PHLPP1: variants seen among roughly 807,000 people sequenced by gnomAD.
PHLPP1 encodes the protein PH domain and leucine rich repeat protein phosphatase 1.
A neutral mutation model predicts 117.2 loss-of-function variants in PHLPP1; 42 were observed. That is an observed-to-expected ratio of 0.36 (90% confidence interval 0.28 to 0.46). The LOEUF (loss-of-function observed/expected upper bound fraction) is 0.46. Ranked by LOEUF, PHLPP1 falls within the 20% of genes least tolerant of loss-of-function variation. The pLI is 1.00. For missense variants in PHLPP1, 2,084 were observed against 2,241.9 expected, an observed-to-expected ratio of 0.93 and a Z score of 1.42; for synonymous variants, 1,042 against 970.7, an observed-to-expected ratio of 1.07 and a Z score of -1.37.
At chr18:62,955,397 A>G (rs537829716) in intron 12 of PHLPP1, among the ~76,000 whole-genome samples, 1 of 152,228 alleles carries the variant, frequency 6.6e-6, no homozygotes, top group Admixed American at 6.5e-5. Flanking sequence ...CTGAGAAACC[A>G]TCCTGACAGC....
At chr18:62,915,457 C>G (rs1441549847) in intron 9 of PHLPP1, among the ~76,000 whole-genome samples, 1 of 152,156 alleles carries the variant, frequency 6.6e-6, no homozygotes, top group East Asian at 1.9e-4. Flanking sequence ...AAAGAGCAAA[C>G]TAGATTCTCT....
chr18:62,831,701 G>A lies in PHLPP1; in HGVS notation c.1773+1470G>A, dbSNP rs75534924. 4.9e-4 allele frequency among the ~76,000 whole-genome samples: 75 copies of A among 152,310 alleles called. 1 individual carries two copies. In the East Asian group the frequency reaches 0.011, roughly 22 times the overall value. On this transcript the variant is annotated intron_variant, in intron 2 of 16. Transcript: ENST00000262719. ...TCTGTTTCAAGGGTTGTAAGTGAAG[G>A]AAGTAAGACCACATGTGTATGGTAA...
At chr18:62,815,829 C>T (rs1914256496) in intron 1 of PHLPP1, among the ~76,000 whole-genome samples, 1 of 152,142 alleles carries the variant, frequency 6.6e-6, no homozygotes, top group African/African-American at 2.4e-5. Context: ...TTGTTCTGTT[C>T]TTAAACTTTA....
chr18:62,774,792 A>G (rs2144271667), intron 1 of PHLPP1, among the ~76,000 whole-genome samples: 1 of 152,284 alleles, frequency 6.6e-6, no homozygotes. Flanking sequence ...GTGTACAAAC[A>G]AAACTAATAT....
intron 3 of PHLPP1, chr18:62,839,772 T>C (rs1915006820): frequency 6.8e-6 from 1 of 146,700 alleles, no homozygotes; most frequent in African/African-American, 2.5e-5. Context: ...TTATATATAA[T>C]ATATATTTTA....
At chr18:62,935,515 A>G (rs184222346) in intron 10 of PHLPP1, among the ~76,000 whole-genome samples, 5 of 152,358 alleles carry the variant, frequency 3.3e-5, no homozygotes, top group Non-Finnish European at 7.3e-5. Flanking sequence ...AGTTAGACAA[A>G]TTGATGCTAC....
chr18:62,782,686 C>T (rs1030970420), intron 1 of PHLPP1, among the ~76,000 whole-genome samples: 6 of 152,232 alleles, frequency 3.9e-5, no homozygotes, highest in African/African-American at 1.4e-4. Context: ...TATTCACTGA[C>T]TTTAATATCT....
At chr18:62,811,925 A>G (rs1051955718) in intron 1 of PHLPP1, among the ~76,000 whole-genome samples, 1 of 152,200 alleles carries the variant, frequency 6.6e-6, no homozygotes, top group African/African-American at 2.4e-5. Context: ...TATCTAATGC[A>G]GTAGAGAGGA....
intron 6 of PHLPP1, among the ~76,000 whole-genome samples, chr18:62,901,468 G>A (rs1037153391): frequency 6.6e-6 from 1 of 152,064 alleles, no homozygotes; most frequent in Non-Finnish European, 1.5e-5. Context: ...ACAAATCCCA[G>A]CTCTTTGCTG....
At position 62,858,308 on chromosome 18, in the gene PHLPP1, G is replaced by GC. The variant is rs569432336; in HGVS notation, c.1900-2126dup. 1.1e-4 allele frequency among the ~76,000 whole-genome samples: 16 copies of GC among 149,762 alleles called. 1 individual carries two copies. The South Asian group carries it at 3.0e-3, about 28-fold the overall frequency. On this transcript the variant is annotated intron_variant, in intron 3 of 16. Coordinates refer to ENST00000262719, the MANE Select transcript of PHLPP1 (RefSeq NM_194449.4). ...GACACAGCCTCTCTCTGTTGCCCAG[G>GC]CTGGACTGCAATGGCACGATCTCAG...
chr18:62,753,812 A>G (rs1480987581), intron 1 of PHLPP1, among the ~76,000 whole-genome samples: 1 of 152,238 alleles, frequency 6.6e-6, no homozygotes, highest in Non-Finnish European at 1.5e-5. Flanking sequence ...ATTTCTCTGC[A>G]AGTTCAATTA....
intron 12 of PHLPP1, among the ~76,000 whole-genome samples, chr18:62,954,171 A>G (rs1910548217): frequency 6.6e-6 from 1 of 152,192 alleles, no homozygotes; most frequent in Non-Finnish European, 1.5e-5. Context: ...CTTCTCAGCT[A>G]TGAGTTATCT....
At chr18:62,774,292 C>G (rs1912885129) in intron 1 of PHLPP1, among the ~76,000 whole-genome samples, 1 of 152,128 alleles carries the variant, frequency 6.6e-6, no homozygotes, top group East Asian at 1.9e-4. Flanking sequence ...TGTGATACTT[C>G]CAGATTGTTA....
chr18:62,826,603 G>A (rs1317417981), intron 1 of PHLPP1, among the ~76,000 whole-genome samples: 3 of 152,054 alleles, frequency 2.0e-5, no homozygotes, highest in South Asian at 2.1e-4. Context: ...GGCTTATAAC[G>A]GACATTAGAT....
intron 4 of PHLPP1, among the ~76,000 whole-genome samples, chr18:62,864,802 C>T (rs929914562): frequency 6.6e-6 from 1 of 152,156 alleles, no homozygotes; most frequent in Admixed American, 6.5e-5. Context: ...TTCTTCTGAG[C>T]AGCAGCAGAG....
intron 16 of PHLPP1, among the ~76,000 whole-genome samples, chr18:62,976,036 A>G (rs1201149266): frequency 1.3e-5 from 2 of 152,224 alleles, no homozygotes; most frequent in African/African-American, 4.8e-5. Context: ...CATCTGTCCT[A>G]TCTTACAAGG....
In PHLPP1 at chr18:62,941,756, G is replaced by A; in HGVS notation, c.2999G>A (p.Ser1000Asn). Residue 1000 changes from serine (S) to asparagine (N), a missense_variant, in exon 11 of 17, where the codon AGC becomes AAC. This residue lies in a region of PHLPP1 where 1,365 missense variants were observed against 1,605.9 expected (regional missense o/e 0.85). Coordinates refer to ENST00000262719, the MANE Select transcript of PHLPP1 (RefSeq NM_194449.4). ...AACGCCTCTGCGAACAAACTGGAAA[G>A]CCTTCCTCCAGCCACGCTTTCCGAA... ...FLNASANKLE[S>N]LPPATLSEET... 6.2e-7 allele frequency: 1 copy of A among 1,613,858 alleles called. No homozygotes were observed. The highest frequency in any genetic ancestry group is 2.2e-5 in the East Asian group (1 of 44,884).
intron 1 of PHLPP1, among the ~76,000 whole-genome samples, chr18:62,809,437 A>T (rs1914048828): frequency 6.6e-6 from 1 of 152,234 alleles, no homozygotes; most frequent in Non-Finnish European, 1.5e-5. Flanking sequence ...GCGGTGGCTT[A>T]TGCCTGTAAT....
chr18:62,849,822 A>ATATATATATATATATATATATAT (rs1568137160), intron 3 of PHLPP1, among the ~76,000 whole-genome samples: 1 of 45,492 alleles, frequency 2.2e-5, no homozygotes, highest in East Asian at 4.5e-4. Flanking sequence ...AAAAAAAAAA[A>ATATATATATATATATATATATAT]AAAAAAAAAA....
Sources: gnomAD v4.1 joint callset for allele counts (sites outside exome capture counted in the v4.1 genomes callset) on GRCh38, gnomAD v4.1.1 for gene constraint, gnomAD v4.1.1 regional missense constraint, MANE v1.5 for transcripts, NCBI Gene and HGNC (gene_info 2026-07-23, HGNC 2026-07-21) for gene names.